Variants in ATXN7L1 observed in about 807,000 individuals in gnomAD.
The protein encoded by ATXN7L1 is ataxin-7-like protein 1.
A neutral mutation model predicts 70.8 loss-of-function variants in ATXN7L1; 15 were observed. That is an observed-to-expected ratio of 0.21 (90% CI 0.14 to 0.33). The LOEUF is 0.33. Ranked by LOEUF, ATXN7L1 falls within the 10% of genes least tolerant of loss-of-function variation. ATXN7L1 has a pLI of 1.00. For missense variants in ATXN7L1, 975 were observed against 1,097.1 expected (o/e 0.89, Z 1.57); for synonymous variants, 440 against 445.1 (o/e 0.99, Z 0.14).
chr7:105,678,600 A>C (rs1805068725), intron 3 of ATXN7L1, among the ~76,000 whole-genome samples: 1 of 152,236 alleles, frequency 6.6e-6, no homozygotes, highest in African/African-American at 2.4e-5. Context: ...ACATATAAAA[A>C]CAACAAAGAA....
At chr7:105,789,159 C>T (rs566774790) in intron 2 of ATXN7L1, among the ~76,000 whole-genome samples, 20 of 152,334 alleles carry the variant, frequency 1.3e-4, no homozygotes, top group South Asian at 4.1e-4. Context: ...CATTTGGCCT[C>T]GGCAGTGCCT....
chr7:105,786,427 G>A (rs886591022), intron 3 of ATXN7L1, among the ~76,000 whole-genome samples: 1 of 152,164 alleles, frequency 6.6e-6, no homozygotes, highest in African/African-American at 2.4e-5. Flanking sequence ...AGGGGACAGC[G>A]GGGTCCCATG....
At chr7:105,628,906 G>A (rs1409871671) in intron 7 of ATXN7L1, among the ~76,000 whole-genome samples, 1 of 151,084 alleles carries the variant, frequency 6.6e-6, no homozygotes, top group Non-Finnish European at 1.5e-5. Flanking sequence ...ATTACCACAA[G>A]TTAGCTAACA....
At chr7:105,875,632 C>CCA (rs776931925) in intron 2 of ATXN7L1, among the ~76,000 whole-genome samples, 180 bp downstream of exon 2, 1 of 123,214 alleles carries the variant, frequency 8.1e-6, no homozygotes, top group Non-Finnish European at 1.8e-5. Context: ...CCTTTACCCC[C>CCA]CCCCCAGTTG....
At chr7:105,646,047 C>G (rs1053043884) in intron 4 of ATXN7L1, among the ~76,000 whole-genome samples, 7 of 151,248 alleles carry the variant, frequency 4.6e-5, no homozygotes, top group African/African-American at 1.7e-4. Context: ...TGTGGTGGCT[C>G]ATGCCTATAA....
At chr7:105,832,599 T>C (rs939187394) in intron 2 of ATXN7L1, among the ~76,000 whole-genome samples, 1 of 152,166 alleles carries the variant, frequency 6.6e-6, no homozygotes, top group Non-Finnish European at 1.5e-5. Flanking sequence ...CACCAACAAC[T>C]TGGAGTAGTT....
chr7:105,739,723 T>C (rs765912394), intron 3 of ATXN7L1, among the ~76,000 whole-genome samples: 7 of 152,258 alleles, frequency 4.6e-5, no homozygotes, highest in South Asian at 2.1e-4. Context: ...AAGTGAATTA[T>C]AATTCCCAGC....
chr7:105,820,287 T>C (rs953120948), intron 2 of ATXN7L1, among the ~76,000 whole-genome samples: 2 of 152,158 alleles, frequency 1.3e-5, no homozygotes, highest in African/African-American at 4.8e-5. Flanking sequence ...GCAAGTCATA[T>C]ATTGGCTTAA....
intron 2 of ATXN7L1, among the ~76,000 whole-genome samples, chr7:105,800,531 CT>C (rs1806655251): frequency 6.6e-6 from 1 of 152,210 alleles, no homozygotes; most frequent in Non-Finnish European, 1.5e-5. Flanking sequence ...CATTTGTACA[CT>C]GTTTTATATA....
chr7:105,660,460 ATTT>A (rs5886363), intron 4 of ATXN7L1, among the ~76,000 whole-genome samples: 11 of 147,634 alleles, frequency 7.5e-5, no homozygotes, highest in Non-Finnish European at 9.0e-5. Context: ...CTTAGATAGA[ATTT>A]TTTTTTTTTT....
At chr7:105,784,419 CAT>C (rs1320438392) in intron 3 of ATXN7L1, among the ~76,000 whole-genome samples, 2 of 150,882 alleles carry the variant, frequency 1.3e-5, no homozygotes, top group African/African-American at 4.9e-5. Context: ...CTGAAGTCCC[CAT>C]AACTGACTGG....
chr7:105,855,790 C>G (rs183378171), intron 2 of ATXN7L1, among the ~76,000 whole-genome samples: 27 of 152,240 alleles, frequency 1.8e-4, no homozygotes, highest in Non-Finnish European at 5.9e-5. Context: ...GTCATTATCC[C>G]CTAAACAATT....
At chr7:105,782,629 A>T (rs1284517311) in intron 3 of ATXN7L1, among the ~76,000 whole-genome samples, 1 of 152,148 alleles carries the variant, frequency 6.6e-6, no homozygotes, top group African/African-American at 2.4e-5. Flanking sequence ...GCTCCATGTC[A>T]CCCCTGTAGG....
chr7:105,692,111 G>A (rs569910848), intron 3 of ATXN7L1, among the ~76,000 whole-genome samples: 1 of 152,144 alleles, frequency 6.6e-6, no homozygotes, highest in East Asian at 1.9e-4. Context: ...AAGGACAGAC[G>A]TCATGCTACT....
chr7:105,748,582 C>A, intron 3 of ATXN7L1, among the ~76,000 whole-genome samples: 1 of 152,188 alleles, frequency 6.6e-6, no homozygotes, highest in East Asian at 1.9e-4. Context: ...ATCCTCCTGC[C>A]AGTGACACAG....
chr7:105,873,078 C>A (rs1348086859), intron 2 of ATXN7L1, among the ~76,000 whole-genome samples: 1 of 152,028 alleles, frequency 6.6e-6, no homozygotes, highest in Non-Finnish European at 1.5e-5. Context: ...GGTGTGAACC[C>A]GGGAGGCGGA....
In ATXN7L1 at chr7:105,765,932, T is replaced by A. The variant is rs922513022; in HGVS notation, c.355+22672A>T. On this transcript the variant is annotated intron_variant, in intron 3 of 11. Coordinates refer to ENST00000419735, the MANE Select transcript of ATXN7L1 (RefSeq NM_020725.2). The stretch of plus-strand genomic sequence containing the variant: ...TCCTGTATCTGGGATGAACTTGAAC[T>A]GATCCAGTCAAGCCTGGGCCCTTGT... 4.6e-5 allele frequency among the ~76,000 whole-genome samples: 7 copies of A among 152,202 alleles called. No homozygotes were observed. In the East Asian group the frequency reaches 1.2e-3, roughly 25 times the overall value.
At chr7:105,788,745 G>C in intron 2 of ATXN7L1, 37 bp from the exon 3 acceptor site, 1 of 1,510,272 alleles carries the variant, frequency 6.6e-7, no homozygotes, top group Non-Finnish European at 9.2e-7. Flanking sequence ...TTTTGAAAAA[G>C]CAATTAAGTC....
chr7:105,616,301 G>A (rs977217031), intron 9 of ATXN7L1, among the ~76,000 whole-genome samples: 23 of 152,280 alleles, frequency 1.5e-4, no homozygotes, highest in African/African-American at 5.3e-4. Context: ...AGGTGCCAGC[G>A]AACTCTGGAA....
Sources: gnomAD v4.1 joint callset for allele counts (sites outside exome capture counted in the v4.1 genomes callset) on GRCh38, gnomAD v4.1.1 for gene constraint, MANE v1.5 for transcripts, NCBI Gene and HGNC (gene_info 2026-07-23, HGNC 2026-07-21) for gene names.